MSH6: variants seen among roughly 807,000 people sequenced by gnomAD.
The protein encoded by MSH6 is DNA mismatch repair protein Msh6.
Under a neutral mutation model 119.1 loss-of-function variants are expected in MSH6, and 85 were observed. The ratio of observed to expected loss-of-function variants is 0.71; its 90% confidence interval spans 0.60 to 0.85. The LOEUF (loss-of-function observed/expected upper bound fraction) is 0.85. Among genes scored for constraint, MSH6 ranks in the 40% least tolerant of loss-of-function variants. The pLI, the probability that MSH6 is intolerant of heterozygous loss-of-function variation, is 0.00. For synonymous variants in MSH6, 830 were observed against 586.9 expected, an observed-to-expected ratio of 1.41 and a Z score of -5.99; for missense variants, 2,163 against 1,655.3, an observed-to-expected ratio of 1.31 and a Z score of -5.32.
At chr2:47,783,574 G>C (rs1572698765) in intron 1 of MSH6, 81 bp downstream of exon 1, 1 of 1,336,506 alleles carries the variant, frequency 7.5e-7, no homozygotes, top group Admixed American at 3.2e-5. Context: ...CTCGCACAGG[G>C]GGTTGGGGGG....
In MSH6 at chr2:47,799,545, C is replaced by T. The variant is rs149159527; in HGVS notation, c.1562C>T (p.Thr521Ile). ...ATCTGTAGGATCATTACCAAGGGTA[C>T]ACAGACTTACAGTGTGCTGGAAGGT... Reference protein sequence around the residue: ...REICRIITKGTQTYSVLEGDP... With the variant: ...REICRIITKGIQTYSVLEGDP... The change falls in exon 4 of 10, where the codon ACA (threonine) becomes ATA (isoleucine). Residue 521 changes from threonine to isoleucine, a missense_variant. Thr to Ile is a moderately conservative substitution (Grantham distance 89, BLOSUM62 -1). Transcript: ENST00000234420. The T allele has an allele frequency of 6.2e-7, 1 of 1,614,138 alleles. No homozygotes were observed.
intron 2 of MSH6, among the ~76,000 whole-genome samples, chr2:47,792,790 T>G (rs1390772953): frequency 2.0e-5 from 3 of 151,096 alleles, no homozygotes; most frequent in Non-Finnish European, 2.9e-5. Context: ...TGTTTTAGCC[T>G]CCTCAGTAAC....
At position 47,806,278 on chromosome 2, in the gene MSH6, TGTC is replaced by T. The variant is rs63749942; in HGVS notation, c.3724_3726del (p.Arg1242del). 4 of 1,614,134 alleles carry T rather than the reference TGTC, an allele frequency of 2.5e-6. No homozygotes were observed. The highest frequency in any genetic ancestry group is 3.4e-6 in the Non-Finnish European group (4 of 1,179,982). On this transcript the variant is annotated inframe_deletion, in exon 8 of 10. Transcript: ENST00000234420. The stretch of plus-strand genomic sequence containing the variant: ...TAAAGAACTTGCTGAGACTATAAAA[TGTC>T]GTACATTATTTTCAACTCACTACCA...
rs753812859 is a variant in MSH6 at position 47,799,988 on chromosome 2, A to G, written c.2005A>G (p.Ile669Val). 6.2e-7 allele frequency: 1 copy of G among 1,614,082 alleles called. No individual in the cohort carries two copies. The highest frequency in any genetic ancestry group is 1.1e-5 in the South Asian group (1 of 91,074). ...AGGTATGACTTCAGAGTCTGATTCC[A>G]TTGGGTTGACACCAGGAGAGAAAAG... ...LKGMTSESDS[I>V]GLTPGEKSEL... Residue 669 changes from isoleucine to valine, a missense_variant, in exon 4 of 10, where the codon ATT becomes GTT. Physicochemically the swap from Ile to Val is conservative, Grantham distance 29. Coordinates refer to ENST00000234420, the MANE Select transcript of MSH6 (RefSeq NM_000179.3).
intron 1 of MSH6, among the ~76,000 whole-genome samples, 186 bp from the exon 2 acceptor site, chr2:47,790,741 T>G (rs954278799): frequency 6.6e-6 from 1 of 152,242 alleles, no homozygotes; most frequent in African/African-American, 2.4e-5. Context: ...TAGTTAAATA[T>G]GCATTATGAT....
At chr2:47,791,178 GAGAA>G in intron 2 of MSH6, 55 bp downstream of exon 2, 2 of 1,515,462 alleles carry the variant, frequency 1.3e-6, no homozygotes, top group Non-Finnish European at 1.8e-6. Flanking sequence ...GTGTGTGTGA[GAGAA>G]ACAGACAGAC....
At position 47,799,977 on chromosome 2, in the gene MSH6, A is replaced by C; in HGVS notation, c.1994A>C (p.Glu665Ala). The C allele has an allele frequency of 1.2e-6, 2 of 1,614,098 alleles. No homozygotes were observed. Among genetic ancestry groups the C allele is most frequent in the Non-Finnish European group, 1.7e-6 (2 of 1,180,022 alleles). Residue 665 changes from glutamate to alanine, a missense_variant, in exon 4 of 10, where the codon GAG (glutamate) becomes GCG (alanine). Coordinates refer to ENST00000234420, the MANE Select transcript of MSH6 (RefSeq NM_000179.3). ...LPQVLKGMTS[E>A]SDSIGLTPGE... ...CAGGTGCTTAAAGGTATGACTTCAG[A>C]GTCTGATTCCATTGGGTTGACACCA...
chr2:47,807,048 C>T, downstream of MSH6: 1 of 602,458 alleles, frequency 1.7e-6, no homozygotes, highest in Non-Finnish European at 2.9e-6. Flanking sequence ...TATATTAAGT[C>T]TAGATGTTAT....
chr2:47,789,132 G>A (rs1008631315), intron 1 of MSH6, among the ~76,000 whole-genome samples: 1 of 150,526 alleles, frequency 6.6e-6, no homozygotes, highest in Non-Finnish European at 1.5e-5. Flanking sequence ...CACCATCTTG[G>A]CCAGGCTGGT....
At chr2:47,802,379 C>G (rs529423548) in intron 4 of MSH6, among the ~76,000 whole-genome samples, 1 of 152,180 alleles carries the variant, frequency 6.6e-6, no homozygotes, top group East Asian at 1.9e-4. Context: ...TGTTTTCAGA[C>G]TGGAGTACAA....
intron 1 of MSH6, among the ~76,000 whole-genome samples, chr2:47,787,668 A>G (rs934379352): frequency 1.3e-5 from 2 of 152,152 alleles, no homozygotes; most frequent in African/African-American, 4.8e-5. Context: ...CCCAGGCTGA[A>G]GTACAGTGGC....
At chr2:47,784,265 C>A in intron 1 of MSH6, 2 of 990,374 alleles carry the variant, frequency 2.0e-6, no homozygotes, top group Non-Finnish European at 2.4e-6. Context: ...TGCACCGAGA[C>A]GAAGATAGAA....
chr2:47,809,947 T>C (rs1670500900), downstream of MSH6: 6 of 509,756 alleles, frequency 1.2e-5, no homozygotes, highest in Non-Finnish European at 2.1e-5. Flanking sequence ...TTTAAATACA[T>C]GATACTTGGA....
rs1244049824 is a variant in MSH6 at position 47,801,121 on chromosome 2, C to T, written c.3138C>T (p.Asp1046=). 1 of 1,612,246 alleles carries T rather than the reference C, an allele frequency of 6.2e-7. No individual in the cohort carries two copies. The highest frequency in any genetic ancestry group is 8.5e-7 in the Non-Finnish European group (1 of 1,179,946). Residue 1046 remains aspartate, a synonymous_variant, in exon 4 of 10, where the codon GAC becomes GAT. Transcript: ENST00000234420. ...LFYNFDKNYK[D]WQSAVECIAV... ...ATAACTTTGATAAAAATTACAAGGA[C>T]TGGCAGTCTGCTGTAGAGTGTATCG...
rs1060502908 is a variant in MSH6, at chr2:47,799,521, T to G, written c.1538T>G (p.Ile513Ser). The change falls in exon 4 of 10, where the codon ATC (isoleucine) becomes AGC (serine). Residue 513 changes from isoleucine (I) to serine (S), a missense_variant. Ile to Ser is a moderately radical substitution (Grantham distance 142). Coordinates refer to ENST00000234420, the MANE Select transcript of MSH6 (RefSeq NM_000179.3). ...SKYDRVVRRE[I>S]CRIITKGTQT... is the part of the protein sequence containing the mutation. ...TATGATAGAGTGGTGAGGAGGGAGA[T>G]CTGTAGGATCATTACCAAGGGTACA... 6.2e-7 allele frequency: 1 copy of G among 1,613,892 alleles called. No individual in the cohort carries two copies. The highest frequency in any genetic ancestry group is 1.1e-5 in the South Asian group (1 of 91,074).
Position 47,806,528 on chromosome 2 carries a change from C to G in MSH6, c.3878C>G (p.Ala1293Gly), listed in dbSNP as rs764835191. 4 of 1,613,936 alleles carry G rather than the reference C, an allele frequency of 2.5e-6. No homozygotes were observed. Among genetic ancestry groups the G allele is most frequent in the East Asian group, 2.2e-5 (1 of 44,874 alleles). ...TTCCTCTATAAATTCATTAAGGGAG[C>G]TTGTCCTAAAAGCTATGGCTTTAAT... ...ITFLYKFIKGACPKSYGFNAA... is the reference protein window; with the variant it reads ...ITFLYKFIKGGCPKSYGFNAA... The change falls in exon 9 of 10, where the codon GCT becomes GGT. Residue 1293 changes from alanine to glycine, a missense_variant. By Grantham distance (60) the Ala-to-Gly change is moderately conservative. Transcript: ENST00000234420.
downstream of MSH6, chr2:47,809,308 T>A (rs1670452714): frequency 6.1e-6 from 8 of 1,308,060 alleles, no homozygotes; most frequent in Middle Eastern, 2.3e-4. Flanking sequence ...AGAGGAATGT[T>A]AATATTTTAA....
At chr2:47,803,317 A>C (rs1003893919) in intron 4 of MSH6, 103 bp from the exon 5 acceptor site, 53 of 1,455,714 alleles carry the variant, frequency 3.6e-5, no homozygotes, top group Middle Eastern at 1.8e-4. Context: ...ATTGAAAGTT[A>C]TGTCTTATAA....
At chr2:47,784,115 C>G in intron 1 of MSH6, 2 of 999,372 alleles carry the variant, frequency 2.0e-6, no homozygotes, top group South Asian at 9.4e-5. Context: ...GGTGAGGGGC[C>G]GCCGAGGGGG....
Sources: allele counts gnomAD v4.1 joint callset (sites outside exome capture counted in the v4.1 genomes callset), GRCh38; gene constraint gnomAD v4.1.1; transcripts MANE v1.5; gene names NCBI Gene and HGNC (gene_info 2026-07-23, HGNC 2026-07-21).